The following UBE2G2 variants were observed in gnomAD, a reference collection of about 807,000 sequenced individuals.
UBE2G2 encodes ubiquitin-conjugating enzyme E2 G2.
A neutral mutation model predicts 23.0 loss-of-function variants in UBE2G2; 10 were observed. The observed-to-expected ratio is 0.43, with a 90% confidence interval of 0.27 to 0.74. The LOEUF is 0.74. UBE2G2 is among the 30% of genes least tolerant of loss of function. UBE2G2 has a pLI of 0.19. For missense variants in UBE2G2, 150 were observed against 218.3 expected (o/e 0.69, Z 1.97); for synonymous variants, 86 against 81.3 (o/e 1.06, Z -0.31).
chr21:44,779,387 T>G, intron 3 of UBE2G2, among the ~76,000 whole-genome samples: 2 of 145,480 alleles, frequency 1.4e-5, no homozygotes, highest in African/African-American at 5.1e-5. Flanking sequence ...GGGGGTACTG[T>G]GTGACAGTCC....
In UBE2G2 at chr21:44,768,600, C is replaced by T. The variant is rs569369190; in HGVS notation, c.*2777G>A. Reference sequence around the variant, plus strand: ...GCAAATCACTGACACAGGAATCTGCCTCTTTATTGACATGCTAAGTAACAA... The same window carrying T: ...GCAAATCACTGACACAGGAATCTGCTTCTTTATTGACATGCTAAGTAACAA... On this transcript the variant is annotated 3_prime_UTR_variant, in exon 6 of 6. Transcript: ENST00000345496. The T allele has an allele frequency of 6.6e-6, 1 of 152,258 alleles. No homozygotes were observed. Among genetic ancestry groups the T allele is most frequent in the Non-Finnish European group, 1.5e-5 (1 of 68,060 alleles). The allele number at this position is 152,258 out of a possible 1,614,324, so 9.4% of individuals were successfully genotyped here.
rs781889481 is a variant in UBE2G2 at position 44,771,411 on chromosome 21, G to A, written c.464C>T (p.Ala155Val). The change falls in exon 6 of 6, where the codon GCC (alanine) becomes GTC (valine). Residue 155 changes from alanine to valine, a missense_variant. Physicochemically the swap from Ala to Val is moderately conservative, Grantham distance 64 (BLOSUM62 0). Coordinates refer to ENST00000345496, the MANE Select transcript of UBE2G2 (RefSeq NM_003343.6). The surrounding 1 kb of genome is among the most constrained non-coding windows in gnomAD (Gnocchi z 4.6). ...CAGAGACTTCTGGACGATCTGCTTG[G>A]CAATCTTATAGAACTGCTCCCGGTC... is the stretch of plus-strand genomic sequence containing the variant. ...RDDREQFYKIAKQIVQKSLGL is the reference protein window; with the variant it reads ...RDDREQFYKIVKQIVQKSLGL 44 of 1,613,142 alleles carry A rather than the reference G, an allele frequency of 2.7e-5. No individual in the cohort carries two copies. The highest frequency in any genetic ancestry group is 3.6e-5 in the Non-Finnish European group (42 of 1,180,026).
At chr21:44,789,008 G>GTT (rs1555962547) in intron 1 of UBE2G2, among the ~76,000 whole-genome samples, 1 of 152,016 alleles carries the variant, frequency 6.6e-6, no homozygotes, top group Non-Finnish European at 1.5e-5. Flanking sequence ...CACAGTTGCT[G>GTT]AATATGAGGC....
At chr21:44,791,429 C>T (rs1371318065) in intron 1 of UBE2G2, among the ~76,000 whole-genome samples, 1 of 152,186 alleles carries the variant, frequency 6.6e-6, no homozygotes, top group East Asian at 1.9e-4. Context: ...CCCTGTGTCC[C>T]AGCTGTTCCA....
intron 1 of UBE2G2, 41 bp downstream of exon 1, chr21:44,801,665 G>T: frequency 6.7e-7 from 1 of 1,502,706 alleles, no homozygotes. Context: ...CCGGGAGCAG[G>T]AACGCGGGAC....
intron 4 of UBE2G2, 156 bp from the exon 5 acceptor site, chr21:44,773,843 G>T: frequency 9.8e-7 from 1 of 1,021,386 alleles, no homozygotes; most frequent in Non-Finnish European, 1.4e-6. Context: ...TGAGTGTCAC[G>T]CTTCATGTCT....
Position 44,772,114 on chromosome 21 carries a change from T to C in UBE2G2, c.386-625A>G, listed in dbSNP as rs1275886200. Among the ~76,000 whole-genome samples the C allele has an allele frequency of 2.0e-5, 3 of 152,138 alleles. No homozygotes were observed. Among genetic ancestry groups the C allele is most frequent in the African/African-American group, 4.8e-5 (2 of 41,410 alleles). ...ACGGAGAGAGACCACCAGAACTGGA[T>C]GACATGTGCTGAGGCAGCAGCTGTG... On this transcript the variant is annotated intron_variant, in intron 5 of 5. Coordinates refer to ENST00000345496, the MANE Select transcript of UBE2G2 (RefSeq NM_003343.6). The surrounding 1 kb of genome is among the most constrained non-coding windows in gnomAD (Gnocchi z 5.4).
At chr21:44,797,312 T>C (rs2083098872) in intron 1 of UBE2G2, among the ~76,000 whole-genome samples, 3 of 152,262 alleles carry the variant, frequency 2.0e-5, no homozygotes, top group Admixed American at 2.0e-4. Flanking sequence ...GAACATATCT[T>C]TGCTAATGCA....
chr21:44,784,490 C>T lies in UBE2G2; in HGVS notation c.125+3430G>A, dbSNP rs77351682. Reference sequence around the variant, plus strand: ...TGTGACACTTTTGTTGAAGAAAATGCTATGGTGAGATTACATACAATACAA... The same window carrying T: ...TGTGACACTTTTGTTGAAGAAAATGTTATGGTGAGATTACATACAATACAA... On this transcript the variant is annotated intron_variant, in intron 3 of 5. Transcript: ENST00000345496. 1.1e-4 allele frequency among the ~76,000 whole-genome samples: 16 copies of T among 152,256 alleles called. No homozygotes were observed. In the East Asian group the frequency reaches 2.7e-3, roughly 26 times the overall value.
rs2082850628 is a variant in UBE2G2 at position 44,769,068 on chromosome 21, T to C, written c.*2309A>G. 1 of 152,196 alleles carries C rather than the reference T, an allele frequency of 6.6e-6. No individual in the cohort carries two copies. The highest frequency in any genetic ancestry group is 1.5e-5 in the Non-Finnish European group (1 of 68,034). 9.4% of individuals were successfully genotyped at this position (152,196 alleles called of 1,614,324 possible). ...AGGGCAGGGAAAACACAGAACTTTATTTCAACAGTCATTAGGTTCCACCAC... is the reference window on the plus strand; with the variant it reads ...AGGGCAGGGAAAACACAGAACTTTACTTCAACAGTCATTAGGTTCCACCAC... On this transcript the variant is annotated 3_prime_UTR_variant, in exon 6 of 6. Coordinates refer to ENST00000345496, the MANE Select transcript of UBE2G2 (RefSeq NM_003343.6).
At chr21:44,782,854 G>C (rs1344933390) in intron 3 of UBE2G2, among the ~76,000 whole-genome samples, 1 of 152,022 alleles carries the variant, frequency 6.6e-6, no homozygotes. Context: ...GCAAACATAA[G>C]AGAAAATCTT....
At chr21:44,786,269 A>G (rs934025747) in intron 3 of UBE2G2, among the ~76,000 whole-genome samples, 1 of 152,230 alleles carries the variant, frequency 6.6e-6, no homozygotes, top group Non-Finnish European at 1.5e-5. Context: ...CAGAAATAAA[A>G]AGAGCTGCCC....
At chr21:44,781,778 TA>T (rs1249686738) in intron 3 of UBE2G2, among the ~76,000 whole-genome samples, 1 of 152,156 alleles carries the variant, frequency 6.6e-6, no homozygotes. Flanking sequence ...CTCAGGTAGA[TA>T]ACCAATGCTA....
chr21:44,780,107 C>T (rs954214362), intron 3 of UBE2G2, among the ~76,000 whole-genome samples: 1 of 152,124 alleles, frequency 6.6e-6, no homozygotes, highest in Non-Finnish European at 1.5e-5. Context: ...TTTAATCCAC[C>T]AGGTCGTTCC....
At chr21:44,773,343 CA>C (rs1394992630) in intron 5 of UBE2G2, among the ~76,000 whole-genome samples, 1 of 152,172 alleles carries the variant, frequency 6.6e-6, no homozygotes, top group Non-Finnish European at 1.5e-5. Context: ...TTATGGCCGA[CA>C]ATACAATATA....
rs1485155167 is a variant in UBE2G2, at chr21:44,772,397, CAGAG to C, written c.386-912_386-909del. Among the ~76,000 whole-genome samples, 2 of 152,162 alleles carry C rather than the reference CAGAG, an allele frequency of 1.3e-5. No homozygotes were observed. Among genetic ancestry groups the C allele is most frequent in the Non-Finnish European group, 2.9e-5 (2 of 68,024 alleles). ...CACTCCACGGCACCCAAAGGCTCTG[CAGAG>C]AATAGCTGAGTGGCCTCACTCTGGC... On this transcript the variant is annotated intron_variant, in intron 5 of 5. Coordinates refer to ENST00000345496, the MANE Select transcript of UBE2G2 (RefSeq NM_003343.6). This position sits in a 1 kb window ranked among gnomAD's most constrained non-coding sequence, Gnocchi z 5.4.
rs782461354 is a variant in UBE2G2, at chr21:44,771,410, G to A, written c.465C>T (p.Ala155=). The change falls in exon 6 of 6, where the codon GCC becomes GCT. Residue 155 remains alanine (A), a synonymous_variant. Coordinates refer to ENST00000345496, the MANE Select transcript of UBE2G2 (RefSeq NM_003343.6). This position sits in a 1 kb window ranked among gnomAD's most constrained non-coding sequence, Gnocchi z 4.6. ...CCAGAGACTTCTGGACGATCTGCTT[G>A]GCAATCTTATAGAACTGCTCCCGGT... is the stretch of plus-strand genomic sequence containing the variant. ...RDDREQFYKI[A]KQIVQKSLGL The A allele has an allele frequency of 5.6e-6, 9 of 1,613,216 alleles. No individual in the cohort carries two copies. The South Asian group carries it at 6.6e-5, about 12-fold the overall frequency.
At chr21:44,801,579 G>C (rs28728356) in intron 1 of UBE2G2, 127 bp downstream of exon 1, 184,407 of 1,298,108 alleles carry the variant, frequency 0.14, 14,043 homozygotes, top group Middle Eastern at 0.21. Flanking sequence ...GGACCCACAG[G>C]GGGGCTCACG....
chr21:44,793,474 C>T (rs967386047), intron 1 of UBE2G2, among the ~76,000 whole-genome samples: 1 of 152,156 alleles, frequency 6.6e-6, no homozygotes, highest in African/African-American at 2.4e-5. Context: ...CTGGCCTTCC[C>T]GCCAGCTTTG....
Sources: gnomAD v4.1 joint callset for allele counts (sites outside exome capture counted in the v4.1 genomes callset) on GRCh38, gnomAD v4.1.1 for gene constraint, Gnocchi (gnomAD v3.1) non-coding constraint, MANE v1.5 for transcripts, NCBI Gene and HGNC (gene_info 2026-07-23, HGNC 2026-07-21) for gene names.